ARHGAP24: variants seen among roughly 807,000 people sequenced by gnomAD.
ARHGAP24 encodes the protein rho GTPase-activating protein 24.
ARHGAP24 carries 50 observed loss-of-function variants against 76.4 expected under a neutral mutation model. That is an observed-to-expected ratio of 0.65 (90% CI 0.52 to 0.83). ARHGAP24 has a LOEUF of 0.83. Among genes scored for constraint, ARHGAP24 ranks in the 40% least tolerant of loss-of-function variants. ARHGAP24 has a pLI of 0.00. For missense variants in ARHGAP24, 930 were observed against 914.2 expected (o/e 1.02, Z -0.22); for synonymous variants, 345 against 323.3 (o/e 1.07, Z -0.72).
At chr4:85,624,890 G>T (rs184251030) in intron 2 of ARHGAP24, among the ~76,000 whole-genome samples, 1 of 152,266 alleles carries the variant, frequency 6.6e-6, no homozygotes, top group East Asian at 1.9e-4. Flanking sequence ...TCTGATCGTA[G>T]TTTGTATTTC....
At chr4:85,955,235 C>G (rs1018710987) in intron 5 of ARHGAP24, among the ~76,000 whole-genome samples, 71 of 151,964 alleles carry the variant, frequency 4.7e-4, no homozygotes, top group African/African-American at 1.7e-3. Context: ...GCCTACCCCC[C>G]ACCCCGACCC....
At chr4:85,789,161 G>A (rs571130216) in intron 3 of ARHGAP24, among the ~76,000 whole-genome samples, 1 of 149,592 alleles carries the variant, frequency 6.7e-6, no homozygotes, top group East Asian at 2.0e-4. Context: ...GCTGAAGTCT[G>A]AGTTAATTAC....
intron 1 of ARHGAP24, among the ~76,000 whole-genome samples, chr4:85,564,958 ATATATATATATAC>A (rs1726774113): frequency 8.2e-6 from 1 of 121,394 alleles, no homozygotes; most frequent in African/African-American, 3.5e-5. Flanking sequence ...ATATATATAT[ATATATATATATAC>A]CCACACCCAC....
chr4:85,734,677 C>T (rs1337053507), intron 3 of ARHGAP24, among the ~76,000 whole-genome samples: 1 of 109,850 alleles, frequency 9.1e-6, no homozygotes, highest in Non-Finnish European at 1.8e-5. Flanking sequence ...ATCACATTGT[C>T]CTTCTCATGA....
intron 3 of ARHGAP24, among the ~76,000 whole-genome samples, chr4:85,777,914 G>T (rs1480382031): frequency 1.3e-5 from 2 of 152,200 alleles, no homozygotes; most frequent in Admixed American, 6.5e-5. Context: ...AATGAAAATT[G>T]TTATGTTGCT....
chr4:85,697,756 G>A (rs1022253129), intron 2 of ARHGAP24, among the ~76,000 whole-genome samples: 1 of 152,166 alleles, frequency 6.6e-6, no homozygotes, highest in Non-Finnish European at 1.5e-5. Context: ...GTTAAGTGAT[G>A]AGCATAAGAA....
intron 8 of ARHGAP24, among the ~76,000 whole-genome samples, chr4:85,984,394 C>T (rs1334205997): frequency 6.6e-6 from 1 of 152,188 alleles, no homozygotes; most frequent in Non-Finnish European, 1.5e-5. Context: ...GACCCATTTC[C>T]TGGTTCACAT....
At chr4:85,524,001 G>A (rs1215147592) in intron 1 of ARHGAP24, among the ~76,000 whole-genome samples, 1 of 152,090 alleles carries the variant, frequency 6.6e-6, no homozygotes, top group Non-Finnish European at 1.5e-5. Context: ...TTCATATAGA[G>A]GTGGTGGTGG....
chr4:85,476,884 C>G lies in ARHGAP24; in HGVS notation c.-21+1325C>G, dbSNP rs114439562. Among the ~76,000 whole-genome samples the G allele has an allele frequency of 5.3e-3, 805 of 152,310 alleles. 6 individuals carry two copies. Among genetic ancestry groups the G allele is most frequent in the African/African-American group, 0.019 (771 of 41,574 alleles). Reference sequence around the variant, plus strand: ...TTCTTCCTCTTTTCTGGGCATATTTCAACTTGTAAGAGAGCTCAGTAATAA... The same window carrying G: ...TTCTTCCTCTTTTCTGGGCATATTTGAACTTGTAAGAGAGCTCAGTAATAA... On this transcript the variant is annotated intron_variant, in intron 1 of 9. Transcript: ENST00000395184.
At chr4:85,776,676 A>T (rs1218546766) in intron 3 of ARHGAP24, among the ~76,000 whole-genome samples, 1 of 152,142 alleles carries the variant, frequency 6.6e-6, no homozygotes, top group Non-Finnish European at 1.5e-5. Flanking sequence ...CAATACCCAT[A>T]ATCTATTGTC....
chr4:85,993,807 G>A (rs934515487), intron 8 of ARHGAP24, among the ~76,000 whole-genome samples: 1 of 152,124 alleles, frequency 6.6e-6, no homozygotes, highest in Non-Finnish European at 1.5e-5. Flanking sequence ...AAGTTAAAAC[G>A]CCACAGACCT....
At chr4:85,902,116 G>A (rs1384595571) in intron 3 of ARHGAP24, among the ~76,000 whole-genome samples, 3 of 152,058 alleles carry the variant, frequency 2.0e-5, no homozygotes, top group African/African-American at 7.2e-5. Context: ...GAGAATGATG[G>A]CTTCCAGCTT....
rs748984046 is a variant in ARHGAP24, at chr4:85,995,284, C to G, written c.1630C>G (p.Leu544Val). ...CCATCAACAGTTCTCCATGATGAAC[C>G]TTGATGACAAGCAGAGCATTGACAG... ...NVHQQFSMMN[L>V]DDKQSIDSAT... Residue 544 changes from leucine to valine, a missense_variant, in exon 9 of 10, where the codon CTT becomes GTT. Physicochemically the swap from Leu to Val is conservative, Grantham distance 32. Transcript: ENST00000395184. 22 of 1,613,874 alleles carry G rather than the reference C, an allele frequency of 1.4e-5. No individual in the cohort carries two copies. The South Asian group carries it at 2.3e-4, about 17-fold the overall frequency.
In ARHGAP24 at chr4:85,994,827, C is replaced by T; in HGVS notation, c.1173C>T (p.Ser391=). 6.2e-7 allele frequency: 1 copy of T among 1,614,068 alleles called. No homozygotes were observed. Among genetic ancestry groups the T allele is most frequent in the Non-Finnish European group, 8.5e-7 (1 of 1,179,998 alleles). The part of the protein sequence containing the change: ...SPQRSSMNNG[S]PTALSGSKTN... Reference sequence around the variant, plus strand: ...AGAGAAGCAGCATGAACAATGGATCCCCCACAGCTCTATCAGGCAGCAAAA... The same window carrying T: ...AGAGAAGCAGCATGAACAATGGATCTCCCACAGCTCTATCAGGCAGCAAAA... Residue 391 remains serine (S), a synonymous_variant, in exon 9 of 10, where the codon TCC becomes TCT. Coordinates refer to ENST00000395184, the MANE Select transcript of ARHGAP24 (RefSeq NM_001025616.3).
At chr4:85,980,108 T>G (rs750864346) in intron 8 of ARHGAP24, among the ~76,000 whole-genome samples, 26 of 152,190 alleles carry the variant, frequency 1.7e-4, no homozygotes, top group Non-Finnish European at 3.4e-4. Flanking sequence ...AACTCCTGAC[T>G]TCTTTTAGTG....
At chr4:85,874,973 TTTTATATA>T (rs1732784306) in intron 3 of ARHGAP24, among the ~76,000 whole-genome samples, 1 of 117,290 alleles carries the variant, frequency 8.5e-6, no homozygotes, top group African/African-American at 3.4e-5. Context: ...ATAAATATAT[TTTTATATA>T]ATTTATATAT....
At chr4:85,590,153 ACTTT>A (rs1256907656) in intron 2 of ARHGAP24, among the ~76,000 whole-genome samples, 2 of 151,042 alleles carry the variant, frequency 1.3e-5, no homozygotes, top group African/African-American at 2.5e-5. Flanking sequence ...GAGAAAACTA[ACTTT>A]CTTTCTGCCT....
chr4:85,914,868 A>G (rs1331617894), intron 3 of ARHGAP24, among the ~76,000 whole-genome samples: 2 of 152,202 alleles, frequency 1.3e-5, no homozygotes, highest in African/African-American at 4.8e-5. Flanking sequence ...TCTAGTCTGT[A>G]TCAGCATTGG....
chr4:85,536,773 A>G (rs1725486374), intron 1 of ARHGAP24, among the ~76,000 whole-genome samples: 1 of 152,144 alleles, frequency 6.6e-6, no homozygotes. Flanking sequence ...GTCTTTTGCT[A>G]AAACTGTTAA....
Sources: allele counts gnomAD v4.1 joint callset (sites outside exome capture counted in the v4.1 genomes callset), GRCh38; gene constraint gnomAD v4.1.1; transcripts MANE v1.5; gene names NCBI Gene and HGNC (gene_info 2026-07-23, HGNC 2026-07-21).